SPATA7: variants seen among roughly 807,000 people sequenced by gnomAD.
The protein encoded by SPATA7 is spermatogenesis associated 7.
Under a neutral mutation model 51.8 loss-of-function variants are expected in SPATA7, and 43 were observed. The ratio of observed to expected loss-of-function variants is 0.83; its 90% confidence interval spans 0.65 to 1.07. The LOEUF is 1.07. Ranked by LOEUF, SPATA7 falls within the 50% of genes least tolerant of loss-of-function variation. SPATA7 has a pLI of 0.00. For synonymous variants in SPATA7, 230 were observed against 252.8 expected (o/e 0.91, Z 0.86); for missense variants, 683 against 701.3 (o/e 0.97, Z 0.30).
At chr14:88,450,342 T>A (rs952835454) in intron 3 of SPATA7, among the ~76,000 whole-genome samples, 1 of 152,172 alleles carries the variant, frequency 6.6e-6, no homozygotes, top group Non-Finnish European at 1.5e-5. Context: ...ATCGTACTAT[T>A]TGTTGCCTGA....
At chr14:88,398,755 T>C (rs966055533) in intron 4 of SPATA7, among the ~76,000 whole-genome samples, 1 of 152,264 alleles carries the variant, frequency 6.6e-6, no homozygotes, top group Admixed American at 6.5e-5. Context: ...ATTTCTACAT[T>C]AAAAAAGTAA....
chr14:88,447,689 A>C (rs1347557378), intron 3 of SPATA7, among the ~76,000 whole-genome samples: 1 of 151,814 alleles, frequency 6.6e-6, no homozygotes. Flanking sequence ...GGTGGTGACA[A>C]AATCTCTCAG....
At chr14:88,468,042 A>G (rs1482355093) in intron 4 of SPATA7, 1 of 1,465,300 alleles carries the variant, frequency 6.8e-7, no homozygotes, top group Non-Finnish European at 9.5e-7. Flanking sequence ...CGCTGCGTGG[A>G]TCAAGTGTCA....
intron 3 of SPATA7, among the ~76,000 whole-genome samples, chr14:88,444,218 A>G (rs1277408311): frequency 2.6e-5 from 4 of 152,022 alleles, no homozygotes; most frequent in East Asian, 3.8e-4. Context: ...TTTGATTTGC[A>G]TATCTCTGAT....
chr14:88,459,810 T>C (rs2077305708), downstream of SPATA7, among the ~76,000 whole-genome samples: 4 of 152,196 alleles, frequency 2.6e-5, no homozygotes, highest in African/African-American at 4.8e-5. Context: ...TTCCTAGCAT[T>C]GATGGTCTTT....
Position 88,438,298 on chromosome 14 carries a change from T to C in SPATA7, c.1676T>C (p.Leu559Pro). 6.2e-7 allele frequency: 1 copy of C among 1,614,066 alleles called. No homozygotes were observed. The highest frequency in any genetic ancestry group is 8.5e-7 in the Non-Finnish European group (1 of 1,179,954). Residue 559 changes from leucine (L) to proline (P), a missense_variant, in exon 12 of 12, where the codon CTT becomes CCT. Leu to Pro is a moderately conservative substitution (Grantham distance 98, BLOSUM62 -3). Coordinates refer to ENST00000393545, the MANE Select transcript of SPATA7 (RefSeq NM_018418.5). ...GAGATTTCAAATGGATTATGTGGTCTTAACACATCACCCTCCCAATCTGTT... is the reference window on the plus strand; with the variant it reads ...GAGATTTCAAATGGATTATGTGGTCCTAACACATCACCCTCCCAATCTGTT... ...KVEISNGLCG[L>P]NTSPSQSVQF...
intron 2 of SPATA7, 196 bp downstream of exon 2, chr14:88,391,651 C>A: frequency 1.6e-6 from 1 of 642,562 alleles, no homozygotes; most frequent in Non-Finnish European, 2.8e-6. Flanking sequence ...TATTATTGTG[C>A]CCTGGATGTG....
At chr14:88,458,817 G>A (rs2077300620), downstream of SPATA7, among the ~76,000 whole-genome samples, 1 of 152,230 alleles carries the variant, frequency 6.6e-6, no homozygotes, top group African/African-American at 2.4e-5. Context: ...TGATGTTAGG[G>A]TGTCAATTTT....
At chr14:88,392,038 C>T (rs2075760153) in intron 2 of SPATA7, among the ~76,000 whole-genome samples, 1 of 152,088 alleles carries the variant, frequency 6.6e-6, no homozygotes, top group Non-Finnish European at 1.5e-5. Flanking sequence ...CAGGAAAAAT[C>T]TTTGATACTG....
downstream of SPATA7, among the ~76,000 whole-genome samples, chr14:88,459,627 C>T (rs1024838288): frequency 3.9e-5 from 6 of 152,090 alleles, no homozygotes; most frequent in Admixed American, 1.3e-4. Flanking sequence ...TGAGATGGGT[C>T]TCCTGAATAC....
At chr14:88,406,975 A>G (rs2076217119) in intron 4 of SPATA7, among the ~76,000 whole-genome samples, 1 of 152,214 alleles carries the variant, frequency 6.6e-6, no homozygotes, top group Admixed American at 6.5e-5. Flanking sequence ...TCTATGGTGT[A>G]TATGTGCCAC....
At chr14:88,401,260 T>C (rs904594702) in intron 4 of SPATA7, among the ~76,000 whole-genome samples, 1 of 152,182 alleles carries the variant, frequency 6.6e-6, no homozygotes, top group Non-Finnish European at 1.5e-5. Context: ...CACAATCATC[T>C]CAATACATGC....
At chr14:88,400,028 C>T (rs56826673) in intron 4 of SPATA7, among the ~76,000 whole-genome samples, 5,363 of 152,238 alleles carry the variant, frequency 0.035, 311 homozygotes, top group African/African-American at 0.12. Flanking sequence ...GAAGAATACG[C>T]ACTCCTCAAG....
chr14:88,465,118 G>T (rs1406964382), intron 4 of SPATA7, among the ~76,000 whole-genome samples: 1 of 152,142 alleles, frequency 6.6e-6, no homozygotes, highest in Non-Finnish European at 1.5e-5. Context: ...CTTCACAGTA[G>T]ATGTTCCAGA....
chr14:88,449,152 C>T (rs530367457), intron 3 of SPATA7, among the ~76,000 whole-genome samples: 8 of 152,062 alleles, frequency 5.3e-5, no homozygotes, highest in South Asian at 2.1e-4. Flanking sequence ...TGAGGTGTGA[C>T]CTTAGATTGT....
At chr14:88,462,179 A>G (rs1250625073) in intron 4 of SPATA7, among the ~76,000 whole-genome samples, 1 of 152,208 alleles carries the variant, frequency 6.6e-6, no homozygotes, top group Non-Finnish European at 1.5e-5. Context: ...TTTCTAATAA[A>G]CTTCCAGGAT....
At chr14:88,457,414 G>T (rs2077291203), downstream of SPATA7, among the ~76,000 whole-genome samples, 1 of 152,158 alleles carries the variant, frequency 6.6e-6, no homozygotes, top group Non-Finnish European at 1.5e-5. Flanking sequence ...GCAGTGGTTT[G>T]TAGTTCTCCT....
chr14:88,468,578 A>G (rs979996223), intron 4 of SPATA7, among the ~76,000 whole-genome samples: 1 of 152,220 alleles, frequency 6.6e-6, no homozygotes, highest in African/African-American at 2.4e-5. Context: ...GCTAAGTGCT[A>G]TCAGTATCTA....
At chr14:88,470,073 A>C (rs569053458) in exon 5 of SPATA7, 1 of 1,607,692 alleles carries the variant, frequency 6.2e-7, no homozygotes, top group Non-Finnish European at 8.5e-7. Context: ...AAGGTTAAAA[A>C]AATTGATGTG....
Sources: allele counts gnomAD v4.1 joint callset (sites outside exome capture counted in the v4.1 genomes callset), GRCh38; gene constraint gnomAD v4.1.1; transcripts MANE v1.5; gene names NCBI Gene and HGNC (gene_info 2026-07-23, HGNC 2026-07-21).